Variants in CLEC16A observed in about 807,000 individuals in gnomAD.
The protein encoded by CLEC16A is protein CLEC16A.
CLEC16A carries 51 observed loss-of-function variants against 109.5 expected under a neutral mutation model. The observed-to-expected ratio is 0.47, with a 90% CI of 0.37 to 0.59. The LOEUF is 0.59. Ranked by LOEUF, CLEC16A falls within the 20% of genes least tolerant of loss-of-function variation. The probability of loss-of-function intolerance (pLI) is 0.00; values close to 1 mark genes in which losing one functional copy is unlikely to be tolerated. For missense variants in CLEC16A, 1,339 were observed against 1,394.0 expected (o/e 0.96, Z 0.63); for synonymous variants, 673 against 564.2 (o/e 1.19, Z -2.73).
intron 1 of CLEC16A, among the ~76,000 whole-genome samples, chr16:10,949,548 G>T (rs1338198946): frequency 6.6e-6 from 1 of 152,124 alleles, no homozygotes; most frequent in Non-Finnish European, 1.5e-5. Context: ...GTTCAGCAGG[G>T]GAGTGTTCAC....
intron 8 of CLEC16A, among the ~76,000 whole-genome samples, chr16:10,979,107 G>A (rs2043178127): frequency 6.6e-6 from 1 of 152,290 alleles, no homozygotes; most frequent in East Asian, 1.9e-4. Context: ...AATGGTGAAA[G>A]GTTTCTCAGA....
chr16:10,989,747 G>A (rs1013964768), intron 10 of CLEC16A, among the ~76,000 whole-genome samples: 2 of 152,138 alleles, frequency 1.3e-5, no homozygotes, highest in South Asian at 4.1e-4. Context: ...CTGCCCAGCC[G>A]GATACTCCCC....
chr16:11,115,303 G>A (rs1168016393), intron 19 of CLEC16A, among the ~76,000 whole-genome samples: 2 of 152,196 alleles, frequency 1.3e-5, no homozygotes, highest in Non-Finnish European at 1.5e-5. Flanking sequence ...GAAAGAACAT[G>A]TTTATTGTTT....
rs765664153 is a variant in CLEC16A, at chr16:11,042,331, A to G, written c.1738A>G (p.Ile580Val). The G allele has an allele frequency of 3.1e-6, 5 of 1,592,144 alleles. No homozygotes were observed. The highest frequency in any genetic ancestry group is 1.3e-5 in the African/African-American group (1 of 74,488). Residue 580 changes from isoleucine (I) to valine (V), a missense_variant, in exon 15 of 24, where the codon ATC becomes GTC. This residue lies in a region of CLEC16A where 1,061 missense variants were observed against 1,006.8 expected (regional missense o/e 1.05). Coordinates refer to ENST00000409790, the MANE Select transcript of CLEC16A (RefSeq NM_015226.3). ...KQQVLMSAGC[I>V]MKDVHLACLE... The stretch of plus-strand genomic sequence containing the variant: ...GCAAGTCCTGATGAGTGCTGGCTGC[A>G]TCATGAAGGACGTGCACCTGGCCTG...
chr16:10,980,722 CT>C (rs2043275416), intron 9 of CLEC16A, among the ~76,000 whole-genome samples: 1 of 152,116 alleles, frequency 6.6e-6, no homozygotes, highest in South Asian at 2.1e-4. Context: ...GTTCCTCAAA[CT>C]TGAGTAATAC....
At chr16:11,101,652 AC>A (rs1364551129) in intron 19 of CLEC16A, among the ~76,000 whole-genome samples, 2 of 152,214 alleles carry the variant, frequency 1.3e-5, no homozygotes, top group Non-Finnish European at 2.9e-5. Flanking sequence ...TGAGCAGTGA[AC>A]AAAAATGACA....
chr16:11,117,091 C>T (rs2052049471), intron 19 of CLEC16A, among the ~76,000 whole-genome samples: 2 of 152,190 alleles, frequency 1.3e-5, no homozygotes, highest in African/African-American at 4.8e-5. Context: ...AAACCAAATA[C>T]CGCATGTTCT....
intron 1 of CLEC16A, among the ~76,000 whole-genome samples, chr16:10,946,679 A>G (rs945751279): frequency 4.6e-5 from 7 of 152,184 alleles, no homozygotes; most frequent in African/African-American, 1.4e-4. Context: ...AACTCTGCTT[A>G]ACTCTAGCCC....
intron 3 of CLEC16A, among the ~76,000 whole-genome samples, chr16:10,968,087 G>A (rs1382860547): frequency 6.6e-6 from 1 of 152,232 alleles, no homozygotes; most frequent in Non-Finnish European, 1.5e-5. Context: ...GCTGTCCTGG[G>A]GGCCGGGCAG....
intron 10 of CLEC16A, among the ~76,000 whole-genome samples, chr16:11,002,838 G>A (rs768514175): frequency 2.0e-5 from 3 of 152,122 alleles, no homozygotes; most frequent in Non-Finnish European, 2.9e-5. Context: ...CTATGCCATC[G>A]TGTGTATACA....
chr16:10,973,109 G>C (rs1349276207), intron 7 of CLEC16A, 48 bp downstream of exon 7: 1 of 1,545,468 alleles, frequency 6.5e-7, no homozygotes, highest in East Asian at 2.4e-5. Context: ...GGGTGGTTAG[G>C]GGAGAATTCT....
At chr16:11,044,821 G>A (rs1213336691) in intron 16 of CLEC16A, among the ~76,000 whole-genome samples, 2 of 151,558 alleles carry the variant, frequency 1.3e-5, no homozygotes, top group Non-Finnish European at 2.9e-5. Context: ...AGCTACTCGG[G>A]AGGCTGAGGC....
At chr16:11,152,172 A>G (rs1406226455) in intron 22 of CLEC16A, among the ~76,000 whole-genome samples, 1 of 152,196 alleles carries the variant, frequency 6.6e-6, no homozygotes, top group African/African-American at 2.4e-5. Context: ...AGGGGAAAAC[A>G]TCGATCTCAA....
At chr16:11,125,501 T>C (rs2052739775) in intron 21 of CLEC16A, among the ~76,000 whole-genome samples, 1 of 152,174 alleles carries the variant, frequency 6.6e-6, no homozygotes, top group Non-Finnish European at 1.5e-5. Context: ...CTGAGACAGA[T>C]AAACACCCAC....
At position 11,140,019 on chromosome 16, in the gene CLEC16A, C is replaced by T. The variant is rs991562102; in HGVS notation, c.2641+13873C>T. ...GAGTCAGAAAGCAAGGTCCCCTGCC[C>T]GGAGTCTCAAAGTTCATCCCTGGAG... On this transcript the variant is annotated intron_variant, in intron 22 of 23. Coordinates refer to ENST00000409790, the MANE Select transcript of CLEC16A (RefSeq NM_015226.3). Among the ~76,000 whole-genome samples the T allele has an allele frequency of 2.6e-5, 4 of 152,328 alleles. No individual in the cohort carries two copies. The South Asian group carries it at 8.3e-4, about 32-fold the overall frequency.
chr16:11,169,307 G>T (rs927972496), intron 23 of CLEC16A, among the ~76,000 whole-genome samples: 2 of 152,092 alleles, frequency 1.3e-5, no homozygotes, highest in Non-Finnish European at 2.9e-5. Context: ...GTTTTTTTGA[G>T]ACAGAGTCTT....
chr16:11,119,334 G>T (rs547311789), intron 19 of CLEC16A, among the ~76,000 whole-genome samples: 58 of 152,268 alleles, frequency 3.8e-4, no homozygotes, highest in African/African-American at 1.2e-3. Context: ...GTACCATGCT[G>T]TGTTGGTTAT....
intron 19 of CLEC16A, among the ~76,000 whole-genome samples, chr16:11,072,274 C>T (rs747012948): frequency 6.6e-6 from 1 of 151,860 alleles, no homozygotes; most frequent in African/African-American, 2.4e-5. Context: ...CACGTGCCAC[C>T]ATGCCTGCCT....
At chr16:10,948,350 G>A (rs1004458909) in intron 1 of CLEC16A, among the ~76,000 whole-genome samples, 1 of 152,198 alleles carries the variant, frequency 6.6e-6, no homozygotes, top group African/African-American at 2.4e-5. Flanking sequence ...TTTGCTAAAT[G>A]GTAGAAAACT....
Sources: allele counts gnomAD v4.1 joint callset (sites outside exome capture counted in the v4.1 genomes callset), GRCh38; gene constraint gnomAD v4.1.1; regional missense constraint gnomAD v4.1.1; transcripts MANE v1.5; gene names NCBI Gene and HGNC (gene_info 2026-07-23, HGNC 2026-07-21).